Variants in UBE2G1 observed in about 807,000 individuals in gnomAD.
The protein encoded by UBE2G1 is ubiquitin conjugating enzyme E2 G1.
In UBE2G1, 5 loss-of-function variants were observed where a neutral mutation model predicts 22.7. The observed-to-expected ratio is 0.22, with a 90% CI of 0.12 to 0.46. UBE2G1 has a LOEUF of 0.46. Among genes scored for constraint, UBE2G1 ranks in the 20% least tolerant of loss-of-function variants. The pLI is 0.99. For missense variants in UBE2G1, 88 were observed against 203.9 expected (o/e 0.43, Z 3.46); for synonymous variants, 74 against 67.5 (o/e 1.10, Z -0.47).
Position 4,353,460 on chromosome 17 carries a change from T to C in UBE2G1, c.46+12811A>G, listed in dbSNP as rs532944866. 5.4e-3 allele frequency among the ~76,000 whole-genome samples: 725 copies of C among 133,486 alleles called. 5 individuals are homozygous for C. Among genetic ancestry groups the C allele is most frequent in the African/African-American group, 0.021 (704 of 33,878 alleles). The allele number at this position is 133,486 out of a possible 152,430, so 87.6% of individuals were successfully genotyped here. ...ATAGAGTTTCGTTGATATATATATATATACACACACACACACACACACACA... is the reference window on the plus strand; with the variant it reads ...ATAGAGTTTCGTTGATATATATATACATACACACACACACACACACACACA... On this transcript the variant is annotated intron_variant, in intron 1 of 5. Transcript: ENST00000396981.
intron 2 of UBE2G1, chr17:4,301,584 G>C (rs1370103470): frequency 1.5e-6 from 2 of 1,334,984 alleles, no homozygotes; most frequent in African/African-American, 1.4e-5. Context: ...GTGTTTCTTT[G>C]GTGGCTTTTT....
intron 2 of UBE2G1, chr17:4,301,684 AT>A: frequency 1.4e-6 from 1 of 722,732 alleles, no homozygotes; most frequent in Non-Finnish European, 2.6e-6. Flanking sequence ...TGGGTGGAAT[AT>A]TTAATGTTTT....
intron 3 of UBE2G1, among the ~76,000 whole-genome samples, chr17:4,291,699 A>T (rs993524928): frequency 3.3e-5 from 5 of 152,202 alleles, no homozygotes; most frequent in Non-Finnish European, 5.9e-5. Context: ...ATTTTAAAGG[A>T]TTGTATCAAT....
At chr17:4,281,552 G>C (rs1393815147) in intron 5 of UBE2G1, among the ~76,000 whole-genome samples, 1 of 152,078 alleles carries the variant, frequency 6.6e-6, no homozygotes, top group Non-Finnish European at 1.5e-5. Flanking sequence ...CAAATCAATA[G>C]GTCTTTTATT....
At chr17:4,332,997 T>C (rs1346833459) in intron 1 of UBE2G1, among the ~76,000 whole-genome samples, 1 of 152,222 alleles carries the variant, frequency 6.6e-6, no homozygotes, top group African/African-American at 2.4e-5. Context: ...TTTGTTTATT[T>C]ACTGATATAG....
At chr17:4,352,288 G>A (rs1269934515) in intron 1 of UBE2G1, among the ~76,000 whole-genome samples, 3 of 152,150 alleles carry the variant, frequency 2.0e-5, no homozygotes, top group African/African-American at 4.8e-5. Flanking sequence ...GGAGGGCAGT[G>A]ATGCACTCAT....
chr17:4,311,247 T>A (rs1047330680), intron 1 of UBE2G1, among the ~76,000 whole-genome samples: 62 of 152,036 alleles, frequency 4.1e-4, no homozygotes, highest in Admixed American at 2.8e-3. Context: ...ATAATTTTTT[T>A]TAAAAAAAGT....
chr17:4,318,593 T>TA (rs1348366203), intron 1 of UBE2G1, among the ~76,000 whole-genome samples: 1 of 152,252 alleles, frequency 6.6e-6, no homozygotes, highest in East Asian at 1.9e-4. Flanking sequence ...CCTTTTTGTC[T>TA]AAATTTATTT....
rs1383672222 is a variant in UBE2G1 at position 4,289,160 on chromosome 17, C to G, written c.426+70G>C. The G allele has an allele frequency of 2.2e-6, 3 of 1,375,140 alleles. No homozygotes were observed. The African/African-American group carries it at 4.4e-5, about 20-fold the overall frequency. 85.2% of individuals were successfully genotyped at this position (1,375,140 alleles called of 1,614,324 possible). On this transcript the variant is annotated intron_variant, in intron 4 of 5. Coordinates refer to ENST00000396981, the MANE Select transcript of UBE2G1 (RefSeq NM_003342.5). ...GCATACATTCATGCATACTTACATA[C>G]ATACTAACTATAGTTCAGGTTTTAT...
chr17:4,303,671 C>T (rs1170394788), intron 2 of UBE2G1, among the ~76,000 whole-genome samples: 1 of 152,164 alleles, frequency 6.6e-6, no homozygotes, highest in Non-Finnish European at 1.5e-5. Context: ...AACTTCATTA[C>T]AGAAGAGATG....
chr17:4,280,200 T>A (rs1314354937), intron 5 of UBE2G1, among the ~76,000 whole-genome samples: 2 of 151,170 alleles, frequency 1.3e-5, no homozygotes, highest in African/African-American at 4.9e-5. Flanking sequence ...TGCACATGGC[T>A]AATTTTTTGT....
In UBE2G1 at chr17:4,346,538, G is replaced by A. The variant is rs546481892; in HGVS notation, c.46+19733C>T. Among the ~76,000 whole-genome samples the A allele has an allele frequency of 6.0e-5, 9 of 150,254 alleles. No individual in the cohort carries two copies. The East Asian group carries it at 6.0e-4, about 10-fold the overall frequency. On this transcript the variant is annotated intron_variant, in intron 1 of 5. Coordinates refer to ENST00000396981, the MANE Select transcript of UBE2G1 (RefSeq NM_003342.5). ...CAACCTCTGCCTCCTGGGTTCAAGCGATTCTTCTTGCCTCAGCCTCCCAAG... is the reference window on the plus strand; with the variant it reads ...CAACCTCTGCCTCCTGGGTTCAAGCAATTCTTCTTGCCTCAGCCTCCCAAG...
intron 1 of UBE2G1, among the ~76,000 whole-genome samples, chr17:4,348,404 T>G (rs1337323941): frequency 1.3e-5 from 2 of 148,552 alleles, no homozygotes; most frequent in African/African-American, 2.5e-5. Flanking sequence ...ATACAAAAAA[T>G]TAGCCGGGCG....
chr17:4,332,701 T>C (rs1415006368), intron 1 of UBE2G1, among the ~76,000 whole-genome samples: 1 of 152,062 alleles, frequency 6.6e-6, no homozygotes, highest in Admixed American at 6.6e-5. Context: ...TTAACCAGCA[T>C]CTCTCTCCAA....
At chr17:4,290,899 T>C (rs2143699963) in intron 3 of UBE2G1, among the ~76,000 whole-genome samples, 1 of 151,960 alleles carries the variant, frequency 6.6e-6, no homozygotes, top group African/African-American at 2.4e-5. Flanking sequence ...CAATGCCTAC[T>C]GCATGCCAGG....
intron 4 of UBE2G1, among the ~76,000 whole-genome samples, chr17:4,285,710 G>A (rs1968954859): frequency 6.6e-6 from 1 of 152,176 alleles, no homozygotes; most frequent in African/African-American, 2.4e-5. Context: ...CCAGCACTTT[G>A]GGAGGCCGAG....
intron 1 of UBE2G1, among the ~76,000 whole-genome samples, chr17:4,363,152 CTG>C (rs1969988383): frequency 6.6e-6 from 1 of 152,152 alleles, no homozygotes; most frequent in African/African-American, 2.4e-5. Flanking sequence ...TTTTATTTCA[CTG>C]TGTGTAGTTA....
At chr17:4,273,300 T>C (rs963981566) in intron 5 of UBE2G1, among the ~76,000 whole-genome samples, 15 of 152,218 alleles carry the variant, frequency 9.9e-5, no homozygotes, top group African/African-American at 3.6e-4. Flanking sequence ...AGCCAATAAA[T>C]GGCTGAGTTT....
rs1052498880 is a variant in UBE2G1, at chr17:4,284,767, A to G, written c.427-1846T>C. Among the ~76,000 whole-genome samples, 3 of 151,170 alleles carry G rather than the reference A, an allele frequency of 2.0e-5. No individual in the cohort carries two copies. The East Asian group carries it at 5.8e-4, about 29-fold the overall frequency. ...AAATAGCCATATAGCTTTGAGTGACATAAATACCATTTGTTTTTTTCCCCC... is the reference window on the plus strand; with the variant it reads ...AAATAGCCATATAGCTTTGAGTGACGTAAATACCATTTGTTTTTTTCCCCC... On this transcript the variant is annotated intron_variant, in intron 4 of 5. Coordinates refer to ENST00000396981, the MANE Select transcript of UBE2G1 (RefSeq NM_003342.5).
Sources: gnomAD v4.1 joint callset for allele counts (sites outside exome capture counted in the v4.1 genomes callset) on GRCh38, gnomAD v4.1.1 for gene constraint, MANE v1.5 for transcripts, NCBI Gene and HGNC (gene_info 2026-07-23, HGNC 2026-07-21) for gene names.